The following THOC5 variants were observed in gnomAD, a reference collection of about 807,000 sequenced individuals.
THOC5 encodes the protein Fms-interacting protein.
Under a neutral mutation model 92.9 loss-of-function variants are expected in THOC5, and 43 were observed. The observed-to-expected ratio is 0.46, with a 90% confidence interval of 0.36 to 0.60. The LOEUF is 0.60. Ranked by LOEUF, THOC5 falls within the 20% of genes least tolerant of loss-of-function variation. THOC5 has a pLI of 0.00. For missense variants in THOC5, 659 were observed against 849.4 expected (o/e 0.78, Z 2.79); for synonymous variants, 296 against 320.1 (o/e 0.92, Z 0.80).
rs149181386 is a variant in THOC5 at position 29,551,388 on chromosome 22, C to T, written c.-11-2230G>A. Among the ~76,000 whole-genome samples the T allele has an allele frequency of 1.5e-3, 232 of 152,128 alleles. 2 individuals are homozygous for T. The highest frequency in any genetic ancestry group is 5.3e-3 in the African/African-American group (218 of 41,514). On this transcript the variant is annotated intron_variant, in intron 1 of 19. Coordinates refer to ENST00000490103, the MANE Select transcript of THOC5 (RefSeq NM_003678.5). Reference sequence around the variant, plus strand: ...AGCAGAGGTTGCAATGAGCCGAGATCGCAGCCACTTCACTCCAGCCTGGGC... The same window carrying T: ...AGCAGAGGTTGCAATGAGCCGAGATTGCAGCCACTTCACTCCAGCCTGGGC...
At chr22:29,526,023 A>C in intron 11 of THOC5, 77 bp from the exon 12 acceptor site, 32 of 489,260 alleles carry the variant, frequency 6.5e-5, no homozygotes, top group Non-Finnish European at 7.8e-5. Flanking sequence ...GGGGGTAGTA[A>C]GGTGGGGGGG....
intron 2 of THOC5, among the ~76,000 whole-genome samples, chr22:29,546,281 G>C (rs542129610): frequency 3.9e-5 from 6 of 152,176 alleles, no homozygotes; most frequent in Non-Finnish European, 7.3e-5. Context: ...AGGGGCTGCC[G>C]TGAGGTCTCT....
intron 19 of THOC5, among the ~76,000 whole-genome samples, chr22:29,510,800 A>G (rs2063208454): frequency 6.6e-6 from 1 of 152,238 alleles, no homozygotes; most frequent in Non-Finnish European, 1.5e-5. Context: ...AGACCACAGC[A>G]GACTCCCTGG....
chr22:29,522,774 G>A (rs576579768), intron 12 of THOC5, among the ~76,000 whole-genome samples: 7 of 151,460 alleles, frequency 4.6e-5, no homozygotes, highest in African/African-American at 1.5e-4. Flanking sequence ...AGGCCGAGGC[G>A]GGCAGATCAT....
At chr22:29,548,127 TC>T (rs1374308743) in intron 2 of THOC5, among the ~76,000 whole-genome samples, 2 of 152,056 alleles carry the variant, frequency 1.3e-5, no homozygotes, top group African/African-American at 4.8e-5. Context: ...TCCTCGTAGG[TC>T]CCTCCCACAA....
At chr22:29,531,526 C>T in intron 8 of THOC5, 1 of 1,114,476 alleles carries the variant, frequency 9.0e-7, no homozygotes, top group Non-Finnish European at 1.1e-6. Flanking sequence ...GCCAAGCGTG[C>T]CTTGATGGGG....
chr22:29,552,517 C>A, intron 1 of THOC5, among the ~76,000 whole-genome samples: 1 of 151,452 alleles, frequency 6.6e-6, no homozygotes, highest in East Asian at 2.0e-4. Flanking sequence ...AGCAGCCGCC[C>A]CGTCCGGGAG....
intron 2 of THOC5, among the ~76,000 whole-genome samples, chr22:29,548,142 A>C (rs894045214): frequency 6.6e-6 from 1 of 152,126 alleles, no homozygotes; most frequent in Admixed American, 6.6e-5. Context: ...CCCACAACAC[A>C]TGGCAATTCT....
intron 2 of THOC5, 128 bp downstream of exon 2, chr22:29,548,924 T>C: frequency 1.4e-6 from 1 of 728,558 alleles, no homozygotes; most frequent in Non-Finnish European, 2.3e-6. Context: ...CCCAGTCACC[T>C]GGTCAAGTGG....
At chr22:29,552,145 C>T (rs2064166610) in intron 1 of THOC5, among the ~76,000 whole-genome samples, 2 of 152,128 alleles carry the variant, frequency 1.3e-5, no homozygotes, top group Admixed American at 1.3e-4. Context: ...CAACCTCCAC[C>T]TCCCAGCCGC....
chr22:29,515,213 T>C (rs1350358765), intron 17 of THOC5, among the ~76,000 whole-genome samples: 2 of 151,546 alleles, frequency 1.3e-5, no homozygotes, highest in African/African-American at 4.9e-5. Context: ...AGCCAATTTT[T>C]GTATTTTTAG....
chr22:29,531,485 C>G (rs2063654185), intron 8 of THOC5: 1 of 1,047,140 alleles, frequency 9.5e-7, no homozygotes, highest in Admixed American at 5.3e-5. Context: ...CACCCCCACC[C>G]TGAAGCAGAG....
chr22:29,553,527 G>A (rs891204412), intron 1 of THOC5, 144 bp downstream of exon 1: 1 of 152,594 alleles, frequency 6.6e-6, no homozygotes, highest in Non-Finnish European at 1.5e-5. Context: ...GCAGCGCCGA[G>A]AGGCCGGGGA....
intron 8 of THOC5, chr22:29,531,137 A>G: frequency 8.5e-7 from 1 of 1,170,892 alleles, no homozygotes; most frequent in South Asian, 1.7e-5. Context: ...GAGGGAGAAC[A>G]AAGGGGAGGG....
chr22:29,528,595 T>C, intron 9 of THOC5, 129 bp from the exon 10 acceptor site: 1 of 861,796 alleles, frequency 1.2e-6, no homozygotes, highest in Non-Finnish European at 1.8e-6. Context: ...TAATAAATAA[T>C]AAATTAACTT....
intron 10 of THOC5, 114 bp downstream of exon 10, chr22:29,528,312 C>T: frequency 6.2e-7 from 1 of 1,613,958 alleles, no homozygotes; most frequent in Admixed American, 1.7e-5. Flanking sequence ...ACTCCCCTCC[C>T]AGCAGCACCT....
At chr22:29,550,483 T>A (rs1412831305) in intron 1 of THOC5, among the ~76,000 whole-genome samples, 1 of 152,034 alleles carries the variant, frequency 6.6e-6, no homozygotes, top group Non-Finnish European at 1.5e-5. Context: ...TGGGCAGCAC[T>A]GTCCCCTTTA....
At chr22:29,537,583 C>T (rs5997488) in intron 6 of THOC5, among the ~76,000 whole-genome samples, 37,521 of 151,568 alleles carry the variant, frequency 0.25, 4,727 homozygotes, top group East Asian at 0.32. Flanking sequence ...AGGTGAAACC[C>T]CCAACTCTAT....
intron 17 of THOC5, among the ~76,000 whole-genome samples, chr22:29,513,693 T>C (rs1428422019): frequency 6.6e-6 from 1 of 151,552 alleles, no homozygotes; most frequent in Non-Finnish European, 1.5e-5. Flanking sequence ...CGTCTCAAAA[T>C]AAATAAATAA....
Sources: gnomAD v4.1 joint callset for allele counts (sites outside exome capture counted in the v4.1 genomes callset) on GRCh38, gnomAD v4.1.1 for gene constraint, MANE v1.5 for transcripts, NCBI Gene and HGNC (gene_info 2026-07-23, HGNC 2026-07-21) for gene names.